BMAL1: variants seen among roughly 807,000 people sequenced by gnomAD.
The protein encoded by BMAL1 is basic helix-loop-helix ARNT like 1.
chr11:13,357,939 G>A, the BMAL1 span, among the ~76,000 whole-genome samples: 3 of 152,308 alleles, frequency 2.0e-5, no homozygotes, highest in South Asian at 2.1e-4. The surrounding 1 kb of genome is among the most constrained non-coding windows in gnomAD (Gnocchi z 4.8). Context: ...GGATGACGGC[G>A]TTGGTTACTG....
chr11:13,295,097 C>G, the BMAL1 span, among the ~76,000 whole-genome samples: 1 of 152,170 alleles, frequency 6.6e-6, no homozygotes, highest in African/African-American at 2.4e-5. Flanking sequence ...GGCACTGGGC[C>G]ATCTGTCCAG....
chr11:13,356,972 G>C, the BMAL1 span: 1 of 1,602,740 alleles, frequency 6.2e-7, no homozygotes, highest in East Asian at 2.3e-5. Context: ...GACAGGATCA[G>C]GCAGAAGAAA....
the BMAL1 span, chr11:13,326,482 T>C: frequency 6.6e-6 from 1 of 152,206 alleles, no homozygotes; most frequent in Non-Finnish European, 1.5e-5. Flanking sequence ...GCACTTCACA[T>C]GCATTCTCTC....
the BMAL1 span, among the ~76,000 whole-genome samples, chr11:13,358,987 A>C: frequency 6.6e-6 from 1 of 152,258 alleles, no homozygotes; most frequent in Non-Finnish European, 1.5e-5. Flanking sequence ...AAGTCAGTTC[A>C]AAGATGAAAA....
the BMAL1 span, chr11:13,385,683 T>G: frequency 6.2e-7 from 1 of 1,601,006 alleles, no homozygotes; most frequent in Non-Finnish European, 8.6e-7. Flanking sequence ...CTCCTTTTGT[T>G]TGTAGATTTT....
At chr11:13,308,495 A>G in the BMAL1 span, among the ~76,000 whole-genome samples, 1 of 152,182 alleles carries the variant, frequency 6.6e-6, no homozygotes, top group Non-Finnish European at 1.5e-5. Context: ...GAACACGCTG[A>G]CATAAGAGGT....
At chr11:13,305,010 G>A in the BMAL1 span, among the ~76,000 whole-genome samples, 2 of 152,210 alleles carry the variant, frequency 1.3e-5, no homozygotes, top group African/African-American at 4.8e-5. Context: ...CTAGGTATCA[G>A]TTTAAGGGAA....
At chr11:13,357,628 G>A in the BMAL1 span, among the ~76,000 whole-genome samples, 1 of 152,198 alleles carries the variant, frequency 6.6e-6, no homozygotes, top group Non-Finnish European at 1.5e-5. The surrounding 1 kb of genome is among the most constrained non-coding windows in gnomAD (Gnocchi z 4.8). Flanking sequence ...GCTGTGTTCT[G>A]AGGCTGCGTC....
At chr11:13,278,962 G>C in the BMAL1 span, among the ~76,000 whole-genome samples, 2 of 152,236 alleles carry the variant, frequency 1.3e-5, no homozygotes, top group Non-Finnish European at 2.9e-5. Context: ...CGGCAGCGGG[G>C]TGAGCTCAGG....
chr11:13,284,124 G>GTGTATATATATATA, the BMAL1 span, among the ~76,000 whole-genome samples: 1 of 106,336 alleles, frequency 9.4e-6, no homozygotes, highest in Non-Finnish European at 1.8e-5. Context: ...ATATATGTGT[G>GTGTATATATATATA]TGTGTATATA....
At chr11:13,287,074 C>A in the BMAL1 span, among the ~76,000 whole-genome samples, 1 of 152,176 alleles carries the variant, frequency 6.6e-6, no homozygotes, top group Non-Finnish European at 1.5e-5. Flanking sequence ...GTACCTGATC[C>A]TTTAACCAAC....
At chr11:13,356,746 A>C in the BMAL1 span, 1 of 1,614,220 alleles carries the variant, frequency 6.2e-7, no homozygotes, top group Non-Finnish European at 8.5e-7. Context: ...CAGAGAAAGC[A>C]TGGACACAGA....
chr11:13,300,704 GA>G, the BMAL1 span, among the ~76,000 whole-genome samples: 1 of 152,136 alleles, frequency 6.6e-6, no homozygotes, highest in Non-Finnish European at 1.5e-5. Context: ...AGATTTCCGA[GA>G]AAAAACATGT....
chr11:13,332,011 C>T, the BMAL1 span, among the ~76,000 whole-genome samples: 3 of 152,038 alleles, frequency 2.0e-5, no homozygotes, highest in African/African-American at 4.8e-5. Context: ...GAGGAACAAG[C>T]GACGGGGAGT....
chr11:13,302,061 G>A, the BMAL1 span, among the ~76,000 whole-genome samples: 91 of 152,328 alleles, frequency 6.0e-4, no homozygotes, highest in African/African-American at 2.0e-3. Flanking sequence ...ATTCAGGAAT[G>A]CAGAGGTGGA....
chr11:13,333,828 C>A, the BMAL1 span, among the ~76,000 whole-genome samples: 1 of 152,208 alleles, frequency 6.6e-6, no homozygotes. Flanking sequence ...CAACACAGAA[C>A]AAAGGTCGGT....
At chr11:13,376,567 C>T in the BMAL1 span, 5 of 1,484,972 alleles carry the variant, frequency 3.4e-6, no homozygotes, top group South Asian at 4.5e-5. Context: ...CACCGGACAC[C>T]TTGGCCAAGT....
At chr11:13,376,612 C>T in the BMAL1 span, 65 of 1,611,332 alleles carry the variant, frequency 4.0e-5, no homozygotes, top group East Asian at 1.0e-3. Context: ...GCCTGACTCA[C>T]GTTTCCTTAT....
At chr11:13,318,590 A>T in the BMAL1 span, among the ~76,000 whole-genome samples, 2 of 111,680 alleles carry the variant, frequency 1.8e-5, no homozygotes, top group Non-Finnish European at 3.5e-5. Context: ...ATAATTAAAT[A>T]GTTGACCTTT....
Sources: gnomAD v4.1 joint callset for allele counts (sites outside exome capture counted in the v4.1 genomes callset) on GRCh38, gnomAD v4.1.1 for gene constraint, Gnocchi (gnomAD v3.1) non-coding constraint, MANE v1.5 for transcripts, NCBI Gene and HGNC (gene_info 2026-07-23, HGNC 2026-07-21) for gene names.